DYNC1I1: variants seen among roughly 807,000 people sequenced by gnomAD.
The protein encoded by DYNC1I1 is dynein cytoplasmic 1 intermediate chain 1.
In DYNC1I1, 43 loss-of-function variants were observed where a neutral mutation model predicts 86.6. That is an observed-to-expected ratio of 0.50 (90% confidence interval 0.39 to 0.64). The LOEUF (loss-of-function observed/expected upper bound fraction) is 0.64. Ranked by LOEUF, DYNC1I1 falls within the 30% of genes least tolerant of loss-of-function variation. DYNC1I1 has a pLI of 0.00. For synonymous variants in DYNC1I1, 262 were observed against 283.7 expected (o/e 0.92, Z 0.77); for missense variants, 604 against 788.8 (o/e 0.77, Z 2.81).
chr7:96,067,466 T>TTC (rs1192201786), intron 14 of DYNC1I1, among the ~76,000 whole-genome samples: 13 of 151,026 alleles, frequency 8.6e-5, no homozygotes, highest in African/African-American at 3.2e-4. Flanking sequence ...TTTTTTTATT[T>TTC]CTTCTTAAAG....
chr7:96,052,682 G>A (rs561297645), intron 14 of DYNC1I1, among the ~76,000 whole-genome samples: 1 of 152,122 alleles, frequency 6.6e-6, no homozygotes, highest in Non-Finnish European at 1.5e-5. Flanking sequence ...ATGCTAAAGT[G>A]CTTTAGTAAG....
intron 14 of DYNC1I1, among the ~76,000 whole-genome samples, chr7:96,059,091 G>A (rs573492695): frequency 3.3e-5 from 5 of 152,112 alleles, no homozygotes; most frequent in Non-Finnish European, 7.4e-5. Flanking sequence ...ATCAGCCTAT[G>A]AATACATTAT....
chr7:95,782,993 GT>G (rs960327986), intron 1 of DYNC1I1, among the ~76,000 whole-genome samples: 7 of 152,148 alleles, frequency 4.6e-5, no homozygotes, highest in Non-Finnish European at 7.3e-5. Flanking sequence ...GAGGTTTGGG[GT>G]TTTTGTGGGT....
intron 16 of DYNC1I1, among the ~76,000 whole-genome samples, chr7:96,081,648 A>G (rs932827527): frequency 1.3e-5 from 2 of 152,204 alleles, no homozygotes; most frequent in African/African-American, 4.8e-5. Context: ...AGACCTAGAA[A>G]GTACTCTGTG....
Position 96,098,106 on chromosome 7 carries a change from C to T in DYNC1I1, c.*513C>T, listed in dbSNP as rs747590289. 37 of 986,090 alleles carry T rather than the reference C, an allele frequency of 3.8e-5. No individual in the cohort carries two copies. The highest frequency in any genetic ancestry group is 3.7e-4 in the Admixed American group (6 of 16,334). 61.1% of individuals were successfully genotyped at this position (986,090 alleles called of 1,614,324 possible). A position where few individuals can be genotyped will look rare whatever the true frequency, so the allele number is the denominator to read the frequency against. ...ATTTATTGTAGTGTGCTGCATGGAA[C>T]GTATTTATTTGAAAGCATTAAAATA... On this transcript the variant is annotated 3_prime_UTR_variant, in exon 17 of 17. Coordinates refer to ENST00000447467, the MANE Select transcript of DYNC1I1 (RefSeq NM_001135556.2).
intron 6 of DYNC1I1, among the ~76,000 whole-genome samples, chr7:95,934,930 G>A (rs1322874430): frequency 6.7e-6 from 1 of 149,440 alleles, no homozygotes; most frequent in African/African-American, 2.5e-5. Flanking sequence ...GTTTTTTTTT[G>A]TTTTTGTTTT....
chr7:95,941,226 G>A (rs1792206372), intron 6 of DYNC1I1, among the ~76,000 whole-genome samples: 2 of 152,046 alleles, frequency 1.3e-5, no homozygotes, highest in African/African-American at 4.8e-5. Flanking sequence ...GTGCCTCCCA[G>A]TTAGGCTGCT....
intron 14 of DYNC1I1, among the ~76,000 whole-genome samples, chr7:96,071,679 G>A (rs547423860): frequency 1.3e-5 from 2 of 152,294 alleles, no homozygotes; most frequent in Admixed American, 6.5e-5. Context: ...AGGAGAAAAA[G>A]ATTCCTGTTC....
At chr7:96,024,955 T>TCTGAGGATTGTTG (rs1794641506) in intron 10 of DYNC1I1, among the ~76,000 whole-genome samples, 1 of 152,208 alleles carries the variant, frequency 6.6e-6, no homozygotes, top group African/African-American at 2.4e-5. Context: ...GACCTTTTAC[T>TCTGAGGATTGTTG]CTGAGGATTG....
intron 16 of DYNC1I1, 87 bp from the exon 17 acceptor site, chr7:96,097,396 G>C: frequency 6.9e-7 from 1 of 1,443,072 alleles, no homozygotes. Flanking sequence ...GGAGGGTGTG[G>C]GGGCAAAGGG....
At chr7:96,063,107 A>ATGTGTGTG (rs983610560) in intron 14 of DYNC1I1, among the ~76,000 whole-genome samples, 75 of 129,098 alleles carry the variant, frequency 5.8e-4, no homozygotes, top group African/African-American at 1.4e-3. Flanking sequence ...GTGTATATAT[A>ATGTGTGTG]TGTGTGTGTG....
At chr7:95,792,496 C>G (rs1278664050) in intron 1 of DYNC1I1, among the ~76,000 whole-genome samples, 1 of 152,160 alleles carries the variant, frequency 6.6e-6, no homozygotes, top group Non-Finnish European at 1.5e-5. Context: ...CCAGGCTATG[C>G]TTCCCCTAGT....
rs191887501 is a variant in DYNC1I1, at chr7:95,819,835, T to A, written c.314+6498T>A. Among the ~76,000 whole-genome samples the A allele has an allele frequency of 3.8e-3, 576 of 152,278 alleles. 4 individuals carry two copies. The highest frequency in any genetic ancestry group is 0.013 in the African/African-American group (545 of 41,560). ...TTTATGCAGCACAATAAGTTCAAAA[T>A]TTTTAATATCATTGTCTTCAGGCAA... On this transcript the variant is annotated intron_variant, in intron 4 of 16. Coordinates refer to ENST00000447467, the MANE Select transcript of DYNC1I1 (RefSeq NM_001135556.2).
At chr7:95,915,009 C>A (rs1474661599) in intron 6 of DYNC1I1, among the ~76,000 whole-genome samples, 1 of 152,100 alleles carries the variant, frequency 6.6e-6, no homozygotes, top group Non-Finnish European at 1.5e-5. Flanking sequence ...CTACTCTGTG[C>A]CCCTCGAGAT....
intron 9 of DYNC1I1, among the ~76,000 whole-genome samples, chr7:95,990,753 G>A (rs1005287446): frequency 6.6e-5 from 10 of 152,154 alleles, no homozygotes; most frequent in African/African-American, 2.4e-4. Flanking sequence ...AATTTGGCTG[G>A]ACACAGTGGC....
chr7:95,824,883 T>C (rs1795170456), intron 4 of DYNC1I1, among the ~76,000 whole-genome samples: 1 of 152,254 alleles, frequency 6.6e-6, no homozygotes, highest in Admixed American at 6.5e-5. Flanking sequence ...ATTTCTAGGC[T>C]ATCCCTGGAA....
chr7:96,080,579 C>T, intron 16 of DYNC1I1, 91 bp downstream of exon 16: 2 of 1,605,494 alleles, frequency 1.2e-6, no homozygotes, highest in Non-Finnish European at 1.7e-6. Context: ...TTGTAGGCCA[C>T]AAGGACCCTC....
intron 16 of DYNC1I1, among the ~76,000 whole-genome samples, chr7:96,096,084 C>T (rs975967404): frequency 3.3e-5 from 5 of 152,106 alleles, no homozygotes; most frequent in African/African-American, 9.7e-5. Context: ...GCCTCTATAT[C>T]ATTTCCAGAA....
intron 6 of DYNC1I1, among the ~76,000 whole-genome samples, chr7:95,914,584 G>A (rs969565549): frequency 1.2e-4 from 18 of 152,154 alleles, no homozygotes; most frequent in African/African-American, 3.9e-4. Context: ...TCTGCAAGAT[G>A]AGAATAATAA....
Sources: allele counts gnomAD v4.1 joint callset (sites outside exome capture counted in the v4.1 genomes callset), GRCh38; gene constraint gnomAD v4.1.1; transcripts MANE v1.5; gene names NCBI Gene and HGNC (gene_info 2026-07-23, HGNC 2026-07-21).